SLC10A6: variants seen among roughly 807,000 people sequenced by gnomAD.
The protein encoded by SLC10A6 is solute carrier family 10 member 6.
A neutral mutation model predicts 30.0 loss-of-function variants in SLC10A6; 27 were observed. That is an observed-to-expected ratio of 0.90 (90% CI 0.66 to 1.24). The LOEUF is 1.24. Among genes scored for constraint, SLC10A6 ranks in the 50% most tolerant of loss-of-function variants. SLC10A6 has a pLI of 0.00. For missense variants in SLC10A6, 439 were observed against 457.0 expected (o/e 0.96, Z 0.36); for synonymous variants, 166 against 173.8 (o/e 0.95, Z 0.36).
intron 1 of SLC10A6, among the ~76,000 whole-genome samples, chr4:86,837,229 A>AG (rs1560460266): frequency 4.4e-3 from 268 of 61,266 alleles, no homozygotes; most frequent in African/African-American, 0.022. Context: ...GAGAGAGAGA[A>AG]AGAAAGAAAG....
rs115548365 is a variant in SLC10A6, at chr4:86,829,842, G to A, written c.586-1674C>T. Among the ~76,000 whole-genome samples the A allele has an allele frequency of 2.2e-3, 328 of 151,878 alleles. 3 individuals carry two copies. Among genetic ancestry groups the A allele is most frequent in the African/African-American group, 7.7e-3 (317 of 41,426 alleles). ...CCCAAAAGAAAAGAGTTTTAAATTTGCTCGTTACAGAAAATAAAACTGACA... is the reference window on the plus strand; with the variant it reads ...CCCAAAAGAAAAGAGTTTTAAATTTACTCGTTACAGAAAATAAAACTGACA... On this transcript the variant is annotated intron_variant, in intron 3 of 5. Coordinates refer to ENST00000273905, the MANE Select transcript of SLC10A6 (RefSeq NM_197965.3).
intron 1 of SLC10A6, among the ~76,000 whole-genome samples, chr4:86,838,544 A>C (rs1746237268): frequency 6.6e-6 from 1 of 152,186 alleles, no homozygotes; most frequent in Admixed American, 6.6e-5. Context: ...ACATTGGTAA[A>C]AATCTTACTG....
chr4:86,838,765 A>T (rs892706084), intron 1 of SLC10A6, among the ~76,000 whole-genome samples: 1 of 151,874 alleles, frequency 6.6e-6, no homozygotes, highest in Admixed American at 6.6e-5. Context: ...TCTAAAAAAA[A>T]TACAAAAATT....
intron 1 of SLC10A6, among the ~76,000 whole-genome samples, chr4:86,841,911 CCCT>C (rs765810224): frequency 2.0e-5 from 3 of 152,162 alleles, no homozygotes; most frequent in Non-Finnish European, 4.4e-5. Context: ...GATTTTCCAT[CCCT>C]CAATATAAAT....
intron 1 of SLC10A6, among the ~76,000 whole-genome samples, chr4:86,844,905 C>T (rs1231706536): frequency 6.6e-6 from 1 of 152,122 alleles, no homozygotes; most frequent in South Asian, 2.1e-4. Flanking sequence ...AACTTCCAAA[C>T]ACTTATAAAA....
At chr4:86,843,564 GA>G (rs1454304772) in intron 1 of SLC10A6, among the ~76,000 whole-genome samples, 31 of 152,104 alleles carry the variant, frequency 2.0e-4, no homozygotes, top group African/African-American at 7.2e-4. Context: ...CAAGGGAAAT[GA>G]AAGCTGAGAC....
chr4:86,849,351 A>G lies in SLC10A6; in HGVS notation c.-236T>C, dbSNP rs535997714. On this transcript the variant is annotated 5_prime_UTR_variant, in exon 1 of 6. Transcript: ENST00000273905. ...TAAACTGTGGTAAGTAAGGCTTTCC[A>G]CTTCTGTTCTTACTCACCACTGAAT... 96 of 526,864 alleles carry G rather than the reference A, an allele frequency of 1.8e-4. No individual in the cohort carries two copies. The highest frequency in any genetic ancestry group is 5.0e-4 in the Middle Eastern group (1 of 2,006). The allele number at this position is 526,864 out of a possible 1,614,324, so 32.6% of individuals were successfully genotyped here.
chr4:86,834,176 TC>T (rs1020298956), intron 1 of SLC10A6, among the ~76,000 whole-genome samples: 9 of 152,256 alleles, frequency 5.9e-5, no homozygotes, highest in African/African-American at 2.2e-4. Context: ...GAGTTCTCAC[TC>T]AGTTCTTATG....
intron 1 of SLC10A6, among the ~76,000 whole-genome samples, chr4:86,837,292 AGGAAGGAAGGAAGGAAGG>A (rs1560460396): frequency 2.4e-5 from 2 of 81,850 alleles, no homozygotes; most frequent in Non-Finnish European, 4.9e-5. Context: ...AGAAAAAGAA[AGGAAGGAAGGAAGGAAGG>A]AAGGAAGGAA....
intron 5 of SLC10A6, 67 bp downstream of exon 5, chr4:86,825,353 A>C: frequency 6.7e-7 from 1 of 1,486,070 alleles, no homozygotes; most frequent in Non-Finnish European, 9.2e-7. Context: ...GGATTGAAAA[A>C]AAAGTTGGTA....
At chr4:86,843,645 A>C (rs1158894762) in intron 1 of SLC10A6, among the ~76,000 whole-genome samples, 5 of 152,178 alleles carry the variant, frequency 3.3e-5, no homozygotes, top group Non-Finnish European at 7.3e-5. Context: ...TGAATAGATA[A>C]AACATGACAC....
intron 1 of SLC10A6, among the ~76,000 whole-genome samples, chr4:86,840,033 T>G (rs1296733337): frequency 6.6e-6 from 1 of 151,778 alleles, no homozygotes; most frequent in Non-Finnish European, 1.5e-5. Flanking sequence ...CCCCAGCCTC[T>G]GGAATAGGTG....
At chr4:86,823,980 C>T in intron 5 of SLC10A6, 78 bp from the exon 6 acceptor site, 1 of 1,319,902 alleles carries the variant, frequency 7.6e-7, no homozygotes, top group Non-Finnish European at 1.0e-6. Flanking sequence ...ACTTGTCAAT[C>T]CTTCAGGTGT....
At chr4:86,839,997 C>T (rs1173097566) in intron 1 of SLC10A6, among the ~76,000 whole-genome samples, 1 of 151,678 alleles carries the variant, frequency 6.6e-6, no homozygotes, top group African/African-American at 2.4e-5. Context: ...CAAGCTCCGC[C>T]TCCCAGGTTC....
intron 1 of SLC10A6, among the ~76,000 whole-genome samples, chr4:86,843,755 C>A (rs530659016): frequency 6.6e-6 from 1 of 152,104 alleles, no homozygotes; most frequent in Non-Finnish European, 1.5e-5. Flanking sequence ...TGTTCTTTTG[C>A]CTGCCTTATA....
intron 1 of SLC10A6, among the ~76,000 whole-genome samples, chr4:86,833,982 T>G (rs1241169923): frequency 6.6e-6 from 1 of 152,164 alleles, no homozygotes; most frequent in Admixed American, 6.5e-5. Context: ...CTTTTTTCTG[T>G]GTCTAGCTTC....
At position 86,823,705 on chromosome 4, in the gene SLC10A6, T is replaced by C. The variant is rs1745920043; in HGVS notation, c.1117A>G (p.Ile373Val). The change falls in exon 6 of 6, where the codon ATC becomes GTC. Residue 373 changes from isoleucine to valine, a missense_variant. Coordinates refer to ENST00000273905, the MANE Select transcript of SLC10A6 (RefSeq NM_197965.3). ...AGTCCCTGCTATTCACATGAAGTGA[T>C]GTGGCCAACTGGCTCGAGAGCCCTG... ...CHRALEPVGH[I>V]TSCE The C allele has an allele frequency of 6.2e-7, 1 of 1,609,612 alleles. No individual in the cohort carries two copies. Among genetic ancestry groups the C allele is most frequent in the Non-Finnish European group, 8.5e-7 (1 of 1,178,256 alleles).
chr4:86,833,423 T>C lies in SLC10A6; in HGVS notation c.379A>G (p.Ile127Val), dbSNP rs200680340. ...ACGGTGGAACAGGTTGTCATACTGA[T>C]GCTGAAAGTAAAATTAATACAATGC... The part of the protein sequence containing the change: ...FWVDGDMDLS[I>V]SMTTCSTVAA... The change falls in exon 2 of 6, where the codon ATC becomes GTC. Residue 127 changes from isoleucine to valine, a missense_variant and splice_region_variant. By Grantham distance (29) the Ile-to-Val change is conservative. Transcript: ENST00000273905. 3.9e-5 allele frequency: 62 copies of C among 1,609,844 alleles called. No individual in the cohort carries two copies. In the East Asian group the frequency reaches 1.3e-3, roughly 34 times the overall value.
At chr4:86,847,304 G>GATA (rs1746407880) in intron 1 of SLC10A6, among the ~76,000 whole-genome samples, 1 of 152,114 alleles carries the variant, frequency 6.6e-6, no homozygotes, top group Non-Finnish European at 1.5e-5. Context: ...ATGCCTATGG[G>GATA]GCACTTAATA....
Sources: allele counts gnomAD v4.1 joint callset (sites outside exome capture counted in the v4.1 genomes callset), GRCh38; gene constraint gnomAD v4.1.1; transcripts MANE v1.5; gene names NCBI Gene and HGNC (gene_info 2026-07-23, HGNC 2026-07-21).